Variants in SERPINB7 observed in about 807,000 individuals in gnomAD.
The protein encoded by SERPINB7 is serpin family B member 7, also known as serpin B7.
SERPINB7 carries 31 observed loss-of-function variants against 37.4 expected under a neutral mutation model. That is an observed-to-expected ratio of 0.83 (90% CI 0.62 to 1.12). SERPINB7 has a LOEUF of 1.12. Ranked by LOEUF, SERPINB7 falls within the 50% of genes most tolerant of loss-of-function variation. SERPINB7 has a pLI of 0.00. For missense variants in SERPINB7, 521 were observed against 455.3 expected (o/e 1.14, Z -1.31); for synonymous variants, 163 against 166.1 (o/e 0.98, Z 0.14).
Position 63,804,381 on chromosome 18 carries a change from A to G in SERPINB7, c.889A>G (p.Lys297Glu). Residue 297 changes from lysine to glutamate, a missense_variant, in exon 8 of 8, where the codon AAA becomes GAA. By Grantham distance (56) the Lys-to-Glu change is moderately conservative. Transcript: ENST00000398019. ...ACAATATTTGAGAGCCCTAGGGCTGAAAGATATCTTTGATGAATCCAAAGC... is the reference window on the plus strand; with the variant it reads ...ACAATATTTGAGAGCCCTAGGGCTGGAAGATATCTTTGATGAATCCAAAGC... The part of the protein sequence containing the change: ...MKQYLRALGL[K>E]DIFDESKADL... The G allele has an allele frequency of 6.2e-7, 1 of 1,613,838 alleles. No individual in the cohort carries two copies. Among genetic ancestry groups the G allele is most frequent in the Non-Finnish European group, 8.5e-7 (1 of 1,179,874 alleles).
intron 7 of SERPINB7, 27 bp from the exon 8 acceptor site, chr18:63,804,210 T>G: frequency 1.3e-6 from 2 of 1,484,254 alleles, no homozygotes; most frequent in Non-Finnish European, 1.8e-6. Context: ...CATATGATTC[T>G]AAATTATCTC....
chr18:63,759,826 C>G lies in SERPINB7; in HGVS notation c.-19+6706C>G, dbSNP rs190251035. On this transcript the variant is annotated intron_variant, in intron 1 of 7. Coordinates refer to the SERPINB7 transcript ENST00000336429. ...GCTTCTTCCTCATTTTCTCTTGTCACTACCATGTAAGAAGTGCTTCTCACC... is the reference window on the plus strand; with the variant it reads ...GCTTCTTCCTCATTTTCTCTTGTCAGTACCATGTAAGAAGTGCTTCTCACC... 1.1e-3 allele frequency among the ~76,000 whole-genome samples: 166 copies of G among 152,322 alleles called. 1 individual carries two copies. The highest frequency in any genetic ancestry group is 9.3e-3 in the Admixed American group (143 of 15,304).
chr18:63,803,698 G>C (rs946969025), intron 7 of SERPINB7, among the ~76,000 whole-genome samples: 1 of 152,188 alleles, frequency 6.6e-6, no homozygotes, highest in African/African-American at 2.4e-5. Context: ...TTGAATTCAA[G>C]CTTCCCAGAC....
Position 63,787,001 on chromosome 18 carries a change from A to T in SERPINB7, c.168+4461A>T, listed in dbSNP as rs182521648. Among the ~76,000 whole-genome samples the T allele has an allele frequency of 4.5e-4, 69 of 152,252 alleles. 1 individual carries two copies. The highest frequency in any genetic ancestry group is 1.6e-3 in the African/African-American group (68 of 41,568). ...TTTTTAGATTTCAGCAAGTTTGTTT[A>T]TACATGAGATGGGATAAGACCCAGG... On this transcript the variant is annotated intron_variant, in intron 2 of 7. Transcript: ENST00000398019.
chr18:63,787,135 G>A (rs945016442), intron 2 of SERPINB7, among the ~76,000 whole-genome samples: 2 of 152,048 alleles, frequency 1.3e-5, no homozygotes, highest in Non-Finnish European at 2.9e-5. Flanking sequence ...AGTTTTGACC[G>A]TGACACATCA....
chr18:63,769,738 G>A (rs1432139473), intron 1 of SERPINB7, among the ~76,000 whole-genome samples: 2 of 152,014 alleles, frequency 1.3e-5, no homozygotes, highest in Non-Finnish European at 2.9e-5. Context: ...TCATAATTTA[G>A]TCAACAAAGC....
rs2658459 is a variant in SERPINB7 at position 63,800,851 on chromosome 18, T to A, written c.598-15T>A. ...AGGTGGGATCATAAATAATTTTTTGTGACTTGACTTTCAGTGCTCTGGGAA... is the reference window on the plus strand; with the variant it reads ...AGGTGGGATCATAAATAATTTTTTGAGACTTGACTTTCAGTGCTCTGGGAA... On this transcript the variant is annotated splice_polypyrimidine_tract_variant and intron_variant, in intron 6 of 7. Transcript: ENST00000398019. 0.08 allele frequency: 128,471 copies of A among 1,610,660 alleles called. 9,171 individuals carry two copies. Among genetic ancestry groups the A allele is most frequent in the East Asian group, 0.38 (17,188 of 44,792 alleles).
At chr18:63,775,042 G>A (rs1300103712), upstream of SERPINB7, among the ~76,000 whole-genome samples, 2 of 152,094 alleles carry the variant, frequency 1.3e-5, no homozygotes, top group Admixed American at 1.3e-4. Context: ...TGAGTGGCAA[G>A]TTGCAATAAA....
rs1007718862 is a variant in SERPINB7, at chr18:63,805,347, A to G, written c.*712A>G. The G allele has an allele frequency of 6.6e-6, 1 of 152,148 alleles. No homozygotes were observed. The highest frequency in any genetic ancestry group is 2.4e-5 in the African/African-American group (1 of 41,436). 9.4% of individuals were successfully genotyped at this position (152,148 alleles called of 1,614,324 possible). A position where few individuals can be genotyped will look rare whatever the true frequency, so the allele number is the denominator to read the frequency against. On this transcript the variant is annotated 3_prime_UTR_variant, in exon 8 of 8. Coordinates refer to ENST00000398019, the MANE Select transcript of SERPINB7 (RefSeq NM_003784.4). ...TAGTTTATAAGTTTTTTCTCTATTT[A>G]TCAGAATAAAGAAATACAACATACC...
intron 4 of SERPINB7, among the ~76,000 whole-genome samples, chr18:63,795,367 C>A (rs1167855342): frequency 6.6e-6 from 1 of 151,930 alleles, no homozygotes; most frequent in African/African-American, 2.4e-5. Context: ...TTGAGACCAG[C>A]CTGACCAACA....
intron 2 of SERPINB7, among the ~76,000 whole-genome samples, chr18:63,783,652 C>A (rs1342795962): frequency 6.6e-6 from 1 of 152,160 alleles, no homozygotes; most frequent in African/African-American, 2.4e-5. Flanking sequence ...TGGTCGTTTC[C>A]CTCCCTTCTC....
intron 1 of SERPINB7, among the ~76,000 whole-genome samples, chr18:63,765,327 T>C (rs189158586): frequency 1.2e-3 from 189 of 152,284 alleles, no homozygotes; most frequent in Admixed American, 3.7e-3. Flanking sequence ...CTCCTAAATT[T>C]ATCTGGAGTA....
rs766828781 is a variant in SERPINB7, at chr18:63,804,369, G to T, written c.877G>T (p.Ala293Ser). The change falls in exon 8 of 8, where the codon GCC (alanine) becomes TCC (serine). Residue 293 changes from alanine to serine, a missense_variant. Transcript: ENST00000398019. ...TTATGAAATGAAACAATATTTGAGA[G>T]CCCTAGGGCTGAAAGATATCTTTGA... is the stretch of plus-strand genomic sequence containing the variant. ...KNYEMKQYLRALGLKDIFDES... is the reference protein window; with the variant it reads ...KNYEMKQYLRSLGLKDIFDES... The T allele has an allele frequency of 3.7e-5, 59 of 1,613,660 alleles. No individual in the cohort carries two copies. The highest frequency in any genetic ancestry group is 4.7e-5 in the Non-Finnish European group (55 of 1,179,856).
chr18:63,786,342 C>G (rs1418301726), intron 2 of SERPINB7, among the ~76,000 whole-genome samples: 1 of 150,002 alleles, frequency 6.7e-6, no homozygotes, highest in Non-Finnish European at 1.5e-5. Flanking sequence ...TATGTTTGGA[C>G]TTCCTTCTCT....
At chr18:63,801,181 A>G (rs970380872) in intron 7 of SERPINB7, among the ~76,000 whole-genome samples, 169 bp downstream of exon 7, 7 of 152,236 alleles carry the variant, frequency 4.6e-5, no homozygotes, top group Non-Finnish European at 7.3e-5. Flanking sequence ...TGAGCCAGAC[A>G]TCATTATAGT....
chr18:63,773,501 T>A (rs983719969), upstream of SERPINB7, among the ~76,000 whole-genome samples: 1 of 152,098 alleles, frequency 6.6e-6, no homozygotes, highest in African/African-American at 2.4e-5. Context: ...ATCTTCAGCC[T>A]AACTACAGAG....
chr18:63,761,579 T>C (rs910704909), intron 1 of SERPINB7, among the ~76,000 whole-genome samples: 1 of 152,186 alleles, frequency 6.6e-6, no homozygotes, highest in Non-Finnish European at 1.5e-5. Context: ...AAATCTCAAC[T>C]CAAATTTTAT....
chr18:63,759,246 T>TA (rs369582234), intron 1 of SERPINB7, among the ~76,000 whole-genome samples: 363 of 144,766 alleles, frequency 2.5e-3, no homozygotes, highest in African/African-American at 6.5e-3. Flanking sequence ...TAATCTGAAT[T>TA]AAAAAAAAAA....
chr18:63,765,032 T>C (rs2049173258), intron 1 of SERPINB7, among the ~76,000 whole-genome samples: 1 of 152,152 alleles, frequency 6.6e-6, no homozygotes, highest in East Asian at 1.9e-4. Context: ...CATAAACAAA[T>C]TGCAGAATTT....
Sources: gnomAD v4.1 joint callset for allele counts (sites outside exome capture counted in the v4.1 genomes callset) on GRCh38, gnomAD v4.1.1 for gene constraint, MANE v1.5 for transcripts, NCBI Gene and HGNC (gene_info 2026-07-23, HGNC 2026-07-21) for gene names.